GUCD1: variants seen among roughly 807,000 people sequenced by gnomAD.
The protein encoded by GUCD1 is protein GUCD1.
In GUCD1, 17 loss-of-function variants were observed where a neutral mutation model predicts 28.3. The observed-to-expected ratio is 0.60, with a 90% CI of 0.41 to 0.90. The LOEUF (loss-of-function observed/expected upper bound fraction) is 0.90. Among genes scored for constraint, GUCD1 ranks in the 40% least tolerant of loss-of-function variants. The pLI is 0.00. For missense variants in GUCD1, 279 were observed against 305.5 expected (o/e 0.91, Z 0.65); for synonymous variants, 129 against 123.3 (o/e 1.05, Z -0.30).
intron 1 of GUCD1, among the ~76,000 whole-genome samples, chr22:24,552,974 T>C (rs985011327): frequency 2.2e-4 from 34 of 151,926 alleles, no homozygotes; most frequent in African/African-American, 7.7e-4. Context: ...TAATTAAAAA[T>C]AAAATAAGCC....
chr22:24,550,873 T>G (rs536315039), intron 1 of GUCD1, among the ~76,000 whole-genome samples: 3 of 152,292 alleles, frequency 2.0e-5, no homozygotes, highest in African/African-American at 7.2e-5. Flanking sequence ...TGGGCTTGAG[T>G]TCACACTTTG....
In GUCD1 at chr22:24,548,898, C is replaced by CA. The variant is rs756257993; in HGVS notation, c.128+18dup. 1 of 1,545,680 alleles carries CA rather than the reference C, an allele frequency of 6.5e-7. No homozygotes were observed. ...TGTAGATGGGAAGCACCTGGGCCCC[C>CA]AGCCCTGGCCCCACTCACCGCAGCA... On this transcript the variant is annotated intron_variant, in intron 2 of 5. Coordinates refer to ENST00000435822, the MANE Select transcript of GUCD1 (RefSeq NM_001284254.2).
intron 1 of GUCD1, among the ~76,000 whole-genome samples, chr22:24,552,628 C>T (rs777732968): frequency 5.9e-5 from 9 of 151,962 alleles, no homozygotes; most frequent in African/African-American, 7.2e-5. Context: ...AAACATTAGC[C>T]GGGCAGGGGC....
chr22:24,546,794 AGTTCT>A, intron 4 of GUCD1, 115 bp downstream of exon 4: 1 of 870,296 alleles, frequency 1.1e-6, no homozygotes, highest in Non-Finnish European at 1.9e-6. Flanking sequence ...CCGGGTAGCC[AGTTCT>A]GCCTGGCTCC....
chr22:24,547,056 T>C, intron 3 of GUCD1, 51 bp from the exon 4 acceptor site: 1 of 1,347,100 alleles, frequency 7.4e-7, no homozygotes, highest in Non-Finnish European at 1.1e-6. Flanking sequence ...CTGCCTTCAC[T>C]CCATTTAGAT....
In GUCD1 at chr22:24,555,035, G is replaced by A; in HGVS notation, c.-44C>T. On this transcript the variant is annotated 5_prime_UTR_variant, in exon 1 of 6. Coordinates refer to ENST00000435822, the MANE Select transcript of GUCD1 (RefSeq NM_001284254.2). The stretch of plus-strand genomic sequence containing the variant: ...CGCCCATGGCCCCGGCCCAGAGCGG[G>A]CTACAGCTTCCGCTTCGGCTGGGGC... The A allele has an allele frequency of 2.1e-6, 3 of 1,405,870 alleles. No homozygotes were observed. Among genetic ancestry groups the A allele is most frequent in the Non-Finnish European group, 1.9e-6 (2 of 1,078,306 alleles). The allele number at this position is 1,405,870 out of a possible 1,614,324, so 87.1% of individuals were successfully genotyped here.
At chr22:24,547,336 A>T in intron 3 of GUCD1, 1 of 300,018 alleles carries the variant, frequency 3.3e-6, no homozygotes, top group South Asian at 4.1e-5. Flanking sequence ...CGAATAAGCA[A>T]GGGGGATGAG....
chr22:24,550,347 G>A (rs2044839733), intron 1 of GUCD1, among the ~76,000 whole-genome samples: 1 of 151,964 alleles, frequency 6.6e-6, no homozygotes, highest in Non-Finnish European at 1.5e-5. Flanking sequence ...AGAGGCCTAG[G>A]CTGGGGAAAA....
At position 24,543,024 on chromosome 22, in the gene GUCD1, A is replaced by C; in HGVS notation, c.702T>G (p.Phe234Leu). The change falls in exon 6 of 6, where the codon TTT becomes TTG. Residue 234 changes from phenylalanine (F) to leucine (L), a missense_variant. Coordinates refer to ENST00000435822, the MANE Select transcript of GUCD1 (RefSeq NM_001284254.2). ...CCTGCTGTCAGCTGTCCAAGTAGAC[A>C]AAGAGGATGTCCTCATCTGTGCCAT... is the stretch of plus-strand genomic sequence containing the variant. Reference protein sequence around the residue: ...TSYGTDEDILFVYLDS With the variant: ...TSYGTDEDILLVYLDS The C allele has an allele frequency of 6.2e-7, 1 of 1,613,570 alleles. No individual in the cohort carries two copies. The highest frequency in any genetic ancestry group is 2.2e-5 in the East Asian group (1 of 44,880).
chr22:24,543,717 T>G, intron 5 of GUCD1, 125 bp downstream of exon 5: 5 of 1,234,988 alleles, frequency 4.0e-6, no homozygotes, highest in Non-Finnish European at 4.5e-6. Context: ...AGCAGGGGCT[T>G]TGGGGAAAAG....
At position 24,547,948 on chromosome 22, in the gene GUCD1, C is replaced by A; in HGVS notation, c.254G>T (p.Cys85Phe). ...CTTGTCGACACCCAGGGTCTGGGTACAGAAGCGGTGCCTCACGCCAAAGTG... is the reference window on the plus strand; with the variant it reads ...CTTGTCGACACCCAGGGTCTGGGTAAAGAAGCGGTGCCTCACGCCAAAGTG... ...MHHFGVRHRFCTQTLGVDKGY... is the reference protein window; with the variant it reads ...MHHFGVRHRFFTQTLGVDKGY... Residue 85 changes from cysteine to phenylalanine, a missense_variant, in exon 3 of 6, where the codon TGT becomes TTT. By Grantham distance (205) the Cys-to-Phe change is radical (BLOSUM62 -2). Coordinates refer to ENST00000435822, the MANE Select transcript of GUCD1 (RefSeq NM_001284254.2). 1 of 1,614,202 alleles carries A rather than the reference C, an allele frequency of 6.2e-7. No homozygotes were observed. Among genetic ancestry groups the A allele is most frequent in the Non-Finnish European group, 8.5e-7 (1 of 1,180,028 alleles).
At chr22:24,551,753 A>G (rs994594206) in intron 1 of GUCD1, among the ~76,000 whole-genome samples, 1 of 152,222 alleles carries the variant, frequency 6.6e-6, no homozygotes, top group Non-Finnish European at 1.5e-5. Context: ...TGGCAAAAGT[A>G]ACAATAGCAT....
rs891464381 is a variant in GUCD1, at chr22:24,542,842, G to C, written c.*164C>G. 2 of 609,460 alleles carry C rather than the reference G, an allele frequency of 3.3e-6. No individual in the cohort carries two copies. The highest frequency in any genetic ancestry group is 3.7e-5 in the African/African-American group (2 of 54,250). 37.8% of individuals were successfully genotyped at this position (609,460 alleles called of 1,614,324 possible). On this transcript the variant is annotated 3_prime_UTR_variant, in exon 6 of 6. Transcript: ENST00000435822. Reference sequence around the variant, plus strand: ...ACAACACACGGCACTGGCAGACAAAGCAGCTGTGCCAGTCTCCGAGTTCCT... The same window carrying C: ...ACAACACACGGCACTGGCAGACAAACCAGCTGTGCCAGTCTCCGAGTTCCT...
At position 24,543,999 on chromosome 22, in the gene GUCD1, A is replaced by G; in HGVS notation, c.471T>C (p.Cys157=). The change falls in exon 5 of 6, where the codon TGT becomes TGC. Residue 157 remains cysteine (C), a synonymous_variant. Transcript: ENST00000435822. ...ACTTGACAGGGCTGGAGCACAGGTC[A>G]CAGTGCAGCACCCCCGAGTTCACCA... The part of the protein sequence containing the change: ...IVLVNSGVLH[C]DLCSSPVKYC... 1.2e-6 allele frequency: 2 copies of G among 1,613,988 alleles called. No individual in the cohort carries two copies. Among genetic ancestry groups the G allele is most frequent in the East Asian group, 4.5e-5 (2 of 44,856 alleles).
chr22:24,554,694 G>A (rs2044984526), intron 1 of GUCD1, among the ~76,000 whole-genome samples: 1 of 152,224 alleles, frequency 6.6e-6, no homozygotes, highest in African/African-American at 2.4e-5. Context: ...CCCAAGGCAT[G>A]GGAGCTCCCA....
At chr22:24,547,844 G>C (rs954239501) in intron 3 of GUCD1, 64 bp downstream of exon 3, 2 of 1,555,072 alleles carry the variant, frequency 1.3e-6, no homozygotes, top group Non-Finnish European at 1.8e-6. Flanking sequence ...CCAACTACTG[G>C]AACCAGGTGG....
intron 2 of GUCD1, 68 bp from the exon 3 acceptor site, chr22:24,548,141 C>A: frequency 7.2e-7 from 1 of 1,389,040 alleles, no homozygotes; most frequent in Non-Finnish European, 1.0e-6. Context: ...CACCCTCCAC[C>A]CACTGGCCCA....
rs2044601590 is a variant in GUCD1, at chr22:24,541,840, G to A, written c.*1166C>T. On this transcript the variant is annotated 3_prime_UTR_variant, in exon 6 of 6. Coordinates refer to ENST00000435822, the MANE Select transcript of GUCD1 (RefSeq NM_001284254.2). Reference sequence around the variant, plus strand: ...TTGAGCTGGCTAACTGCCCTGTGCAGAGGTGTTAGTGGTTCCAAAGTACCT... The same window carrying A: ...TTGAGCTGGCTAACTGCCCTGTGCAAAGGTGTTAGTGGTTCCAAAGTACCT... 6.6e-6 allele frequency: 1 copy of A among 152,230 alleles called. No individual in the cohort carries two copies. Among genetic ancestry groups the A allele is most frequent in the Non-Finnish European group, 1.5e-5 (1 of 68,052 alleles). The allele number at this position is 152,230 out of a possible 1,614,324, so 9.4% of individuals were successfully genotyped here. A position where few individuals can be genotyped will look rare whatever the true frequency, so the allele number is the denominator to read the frequency against.
intron 1 of GUCD1, among the ~76,000 whole-genome samples, chr22:24,553,747 CCT>C (rs1403787040): frequency 4.1e-4 from 62 of 152,354 alleles, no homozygotes; most frequent in African/African-American, 1.4e-3. Flanking sequence ...CTCAGCTGCG[CCT>C]CCTCCTCTTG....
Sources: allele counts gnomAD v4.1 joint callset (sites outside exome capture counted in the v4.1 genomes callset), GRCh38; gene constraint gnomAD v4.1.1; transcripts MANE v1.5; gene names NCBI Gene and HGNC (gene_info 2026-07-23, HGNC 2026-07-21).